GABRG3: variants seen among roughly 807,000 people sequenced by gnomAD.
GABRG3 encodes the protein gamma-aminobutyric acid receptor subunit gamma-3.
GABRG3 carries 25 observed loss-of-function variants against 48.8 expected under a neutral mutation model. That is an observed-to-expected ratio of 0.51 (90% confidence interval 0.37 to 0.72). The LOEUF (loss-of-function observed/expected upper bound fraction) is 0.72, where lower values mean the gene tolerates loss of function less well. Among genes scored for constraint, GABRG3 ranks in the 30% least tolerant of loss-of-function variants. GABRG3 has a pLI of 0.00. For synonymous variants in GABRG3, 227 were observed against 217.6 expected (o/e 1.04, Z -0.38); for missense variants, 394 against 577.9 (o/e 0.68, Z 3.26).
intron 3 of GABRG3, among the ~76,000 whole-genome samples, chr15:27,298,187 A>G (rs1892068120): frequency 6.6e-6 from 1 of 152,222 alleles, no homozygotes; most frequent in Non-Finnish European, 1.5e-5. Context: ...GAATAAAAAT[A>G]AAAAGACCCT....
chr15:27,161,645 T>A (rs1013866360), intron 3 of GABRG3, among the ~76,000 whole-genome samples: 2 of 152,222 alleles, frequency 1.3e-5, no homozygotes, highest in Non-Finnish European at 2.9e-5. Flanking sequence ...AAAATTTGAA[T>A]ACTTTAGCAT....
intron 3 of GABRG3, among the ~76,000 whole-genome samples, chr15:27,083,697 T>G (rs114263042): frequency 6.6e-6 from 1 of 152,290 alleles, no homozygotes; most frequent in East Asian, 1.9e-4. Flanking sequence ...CAAAAAACCA[T>G]GGCCTCATGA....
Position 27,191,725 on chromosome 15 carries a change from G to A in GABRG3, c.271-135084G>A, listed in dbSNP as rs371755375. ...TAATTGGAGCATTTAGTCCATTTAC[G>A]TTTAAAGTTAATATTGTTATGTATG... On this transcript the variant is annotated intron_variant, in intron 3 of 9. Transcript: ENST00000615808. Among the ~76,000 whole-genome samples the A allele has an allele frequency of 8.0e-3, 1,207 of 151,788 alleles. 16 individuals are homozygous for A. The highest frequency in any genetic ancestry group is 0.028 in the African/African-American group (1,167 of 41,350).
chr15:27,098,026 AACAC>A (rs1897294696), intron 3 of GABRG3, among the ~76,000 whole-genome samples: 1 of 151,960 alleles, frequency 6.6e-6, no homozygotes, highest in Non-Finnish European at 1.5e-5. Context: ...AGTCCTGGGT[AACAC>A]ACAGAAAGAG....
intron 5 of GABRG3, among the ~76,000 whole-genome samples, chr15:27,333,626 G>A (rs1191172270): frequency 6.6e-6 from 1 of 152,172 alleles, no homozygotes; most frequent in African/African-American, 2.4e-5. Context: ...GCCGCGTAAA[G>A]TGACACAGTA....
At chr15:27,210,462 T>C (rs565656884) in intron 3 of GABRG3, among the ~76,000 whole-genome samples, 109 of 152,318 alleles carry the variant, frequency 7.2e-4, no homozygotes, top group South Asian at 3.7e-3. Flanking sequence ...TCTCTTTCCA[T>C]CACACACGCG....
chr15:27,125,287 A>G (rs1402951676), intron 3 of GABRG3, among the ~76,000 whole-genome samples: 1 of 152,180 alleles, frequency 6.6e-6, no homozygotes, highest in East Asian at 1.9e-4. Context: ...TGTGGGAGCT[A>G]AAGAAAAAAC....
At chr15:27,158,091 C>G (rs1898481429) in intron 3 of GABRG3, 1 of 152,150 alleles carries the variant, frequency 6.6e-6, no homozygotes, top group East Asian at 1.9e-4. Context: ...CCTTTGCTTT[C>G]TTGGGTCAGG....
At chr15:27,086,848 G>A (rs914409184) in intron 3 of GABRG3, among the ~76,000 whole-genome samples, 1 of 152,210 alleles carries the variant, frequency 6.6e-6, no homozygotes, top group African/African-American at 2.4e-5. Context: ...GGCCTGCTGG[G>A]TGAAGCACTT....
intron 5 of GABRG3, among the ~76,000 whole-genome samples, chr15:27,465,853 A>G (rs962343062): frequency 2.6e-5 from 4 of 152,194 alleles, no homozygotes; most frequent in Non-Finnish European, 5.9e-5. Context: ...GGCACTCTGC[A>G]TGATGCCTTC....
intron 3 of GABRG3, among the ~76,000 whole-genome samples, chr15:27,030,035 G>A (rs540965580): frequency 1.2e-4 from 18 of 152,166 alleles, no homozygotes; most frequent in Non-Finnish European, 2.4e-4. Flanking sequence ...AAATTTTAAA[G>A]TAGAGAACTG....
chr15:27,193,148 G>A (rs1888382473), intron 3 of GABRG3, among the ~76,000 whole-genome samples: 1 of 152,198 alleles, frequency 6.6e-6, no homozygotes, highest in African/African-American at 2.4e-5. Flanking sequence ...CTCCCAGTTA[G>A]GCTGCTCAGG....
At chr15:27,045,531 G>A (rs1896348053) in intron 3 of GABRG3, among the ~76,000 whole-genome samples, 1 of 152,232 alleles carries the variant, frequency 6.6e-6, no homozygotes, top group Middle Eastern at 3.4e-3. Context: ...TATATGCTTT[G>A]GCAACAATCA....
chr15:27,425,158 G>T (rs1408394925), intron 5 of GABRG3, among the ~76,000 whole-genome samples: 1 of 152,150 alleles, frequency 6.6e-6, no homozygotes, highest in Non-Finnish European at 1.5e-5. Flanking sequence ...GACAGCTGGA[G>T]GCCCCTGGCT....
At chr15:27,178,056 G>A (rs1424507085) in intron 3 of GABRG3, among the ~76,000 whole-genome samples, 1 of 152,052 alleles carries the variant, frequency 6.6e-6, no homozygotes, top group South Asian at 2.1e-4. Context: ...TATTGAGGGG[G>A]GTCAGATACC....
At chr15:27,258,928 A>G (rs985582055) in intron 3 of GABRG3, among the ~76,000 whole-genome samples, 1 of 152,092 alleles carries the variant, frequency 6.6e-6, no homozygotes, top group Non-Finnish European at 1.5e-5. Context: ...CCAGCCTCTA[A>G]TACTCAGTTT....
chr15:27,162,191 G>A (rs1229208214), intron 3 of GABRG3, among the ~76,000 whole-genome samples: 1 of 152,098 alleles, frequency 6.6e-6, no homozygotes, highest in Non-Finnish European at 1.5e-5. Flanking sequence ...ACATATTGAG[G>A]AATTTCCTGG....
chr15:27,136,463 G>T (rs1487988553), intron 3 of GABRG3, among the ~76,000 whole-genome samples: 1 of 152,114 alleles, frequency 6.6e-6, no homozygotes, highest in Non-Finnish European at 1.5e-5. Context: ...GAGGGTGGAA[G>T]GTGGCTGTGC....
chr15:27,266,818 CTAAT>C (rs1890935353), intron 3 of GABRG3, among the ~76,000 whole-genome samples: 2 of 152,102 alleles, frequency 1.3e-5, no homozygotes, highest in African/African-American at 4.8e-5. Flanking sequence ...ATTTGAACTT[CTAAT>C]TGTTTGTGGC....
Sources: gnomAD v4.1 joint callset for allele counts (sites outside exome capture counted in the v4.1 genomes callset) on GRCh38, gnomAD v4.1.1 for gene constraint, MANE v1.5 for transcripts, NCBI Gene and HGNC (gene_info 2026-07-23, HGNC 2026-07-21) for gene names.